The following FSIP2 variants were observed in gnomAD, a reference collection of about 807,000 sequenced individuals.
The protein encoded by FSIP2 is fibrous sheath-interacting protein 2.
Under a neutral mutation model 510.5 loss-of-function variants are expected in FSIP2, and 367 were observed. The observed-to-expected ratio is 0.72, with a 90% CI of 0.66 to 0.78. The LOEUF (loss-of-function observed/expected upper bound fraction) is 0.78, where lower values mean the gene tolerates loss of function less well. Ranked by LOEUF, FSIP2 falls within the 30% of genes least tolerant of loss-of-function variation. FSIP2 has a pLI of 0.00. For synonymous variants in FSIP2, 2,601 were observed against 2,732.2 expected (o/e 0.95, Z 1.50); for missense variants, 7,594 against 7,901.7 (o/e 0.96, Z 1.48).
rs1693131944 is a variant in FSIP2 at position 185,791,631 on chromosome 2, G to A, written c.4495G>A (p.Asp1499Asn). The A allele has an allele frequency of 3.3e-6, 5 of 1,534,058 alleles. No individual in the cohort carries two copies. The highest frequency in any genetic ancestry group is 4.4e-6 in the Non-Finnish European group (5 of 1,145,520). Residue 1499 changes from aspartate to asparagine, a missense_variant, in exon 16 of 23, where the codon GAC (aspartate) becomes AAC (asparagine). Asp to Asn is a conservative substitution (Grantham distance 23). Coordinates refer to ENST00000424728, the MANE Select transcript of FSIP2 (RefSeq NM_173651.4). ...TATCCTTGCAAAATTATGTGGTGTT[G>A]ACATGGATACCAGTTTTGCAAGTTG... ...DYILAKLCGV[D>N]MDTSFASCGL...
chr2:185,802,472 T>C lies in FSIP2; in HGVS notation c.13166T>C (p.Leu4389Pro), dbSNP rs956745236. ...RNALKQHGLD[L>P]AVDKESEDSG... ...GCTTTAAAGCAGCATGGGCTAGACC[T>C]TGCTGTTGATAAAGAGTCTGAAGAC... The change falls in exon 17 of 23, where the codon CTT (leucine) becomes CCT (proline). Residue 4389 changes from leucine to proline, a missense_variant. By Grantham distance (98) the Leu-to-Pro change is moderately conservative (BLOSUM62 -3). Coordinates refer to ENST00000424728, the MANE Select transcript of FSIP2 (RefSeq NM_173651.4). 4.8e-5 allele frequency: 74 copies of C among 1,533,474 alleles called. No homozygotes were observed. Among genetic ancestry groups the C allele is most frequent in the Non-Finnish European group, 6.2e-5 (71 of 1,145,120 alleles). The allele number at this position is 1,533,474 out of a possible 1,614,324, so 95.0% of individuals were successfully genotyped here. A position where few individuals can be genotyped will look rare whatever the true frequency, so the allele number is the denominator to read the frequency against.
In FSIP2 at chr2:185,801,149, G is replaced by C. The variant is rs1235534094; in HGVS notation, c.11843G>C (p.Arg3948Thr). 6.5e-7 allele frequency: 1 copy of C among 1,533,784 alleles called. No individual in the cohort carries two copies. The highest frequency in any genetic ancestry group is 8.7e-7 in the Non-Finnish European group (1 of 1,145,476). Reference sequence around the variant, plus strand: ...TCTGTGTCACCTTTTGAAAGACAGAGAACAAAGGAAATGGATAAGGTAGCC... The same window carrying C: ...TCTGTGTCACCTTTTGAAAGACAGACAACAAAGGAAATGGATAAGGTAGCC... ...SSSVSPFERQ[R>T]TKEMDKVAIH... is the part of the protein sequence containing the mutation. The change falls in exon 17 of 23, where the codon AGA becomes ACA. Residue 3948 changes from arginine (R) to threonine (T), a missense_variant. Coordinates refer to ENST00000424728, the MANE Select transcript of FSIP2 (RefSeq NM_173651.4).
intron 18 of FSIP2, 151 bp downstream of exon 18, chr2:185,814,193 C>CTCA: frequency 1.3e-6 from 1 of 763,912 alleles, no homozygotes; most frequent in Non-Finnish European, 2.0e-6. Context: ...AAATTATTAC[C>CTCA]AGGTACAGCT....
In FSIP2 at chr2:185,804,818, G is replaced by T; in HGVS notation, c.15512G>T (p.Arg5171Leu). ...IIKEISEHEI[R>L]LSMAEDNAES... The stretch of plus-strand genomic sequence containing the variant: ...AAAGAAATTTCTGAACATGAGATTC[G>T]ACTTTCCATGGCAGAGGATAATGCA... Residue 5171 changes from arginine (R) to leucine (L), a missense_variant, in exon 17 of 23, where the codon CGA becomes CTA. Coordinates refer to ENST00000424728, the MANE Select transcript of FSIP2 (RefSeq NM_173651.4). 1 of 1,532,728 alleles carries T rather than the reference G, an allele frequency of 6.5e-7. No homozygotes were observed. Among genetic ancestry groups the T allele is most frequent in the Non-Finnish European group, 8.7e-7 (1 of 1,144,804 alleles). The allele number at this position is 1,532,728 out of a possible 1,614,324, so 94.9% of individuals were successfully genotyped here. A position where few individuals can be genotyped will look rare whatever the true frequency, so the allele number is the denominator to read the frequency against.
In FSIP2 at chr2:185,802,784, C is replaced by T; in HGVS notation, c.13478C>T (p.Thr4493Ile). Residue 4493 changes from threonine (T) to isoleucine (I), a missense_variant, in exon 17 of 23, where the codon ACC becomes ATC. By Grantham distance (89) the Thr-to-Ile change is moderately conservative. Coordinates refer to ENST00000424728, the MANE Select transcript of FSIP2 (RefSeq NM_173651.4). ...SASSLVLNRD[T>I]QKDISRVNFN... is the part of the protein sequence containing the mutation. The stretch of plus-strand genomic sequence containing the variant: ...TCTAGCCTGGTTCTAAACAGAGACA[C>T]CCAAAAAGATATATCAAGAGTGAAT... 1 of 1,519,582 alleles carries T rather than the reference C, an allele frequency of 6.6e-7. No individual in the cohort carries two copies. Among genetic ancestry groups the T allele is most frequent in the South Asian group, 1.2e-5 (1 of 80,742 alleles). 94.1% of individuals were successfully genotyped at this position (1,519,582 alleles called of 1,614,324 possible).
At chr2:185,774,455 AT>A (rs1692675345) in intron 13 of FSIP2, among the ~76,000 whole-genome samples, 1 of 152,138 alleles carries the variant, frequency 6.6e-6, no homozygotes, top group Non-Finnish European at 1.5e-5. Flanking sequence ...AGAGTACATT[AT>A]TGTGATTCCT....
In FSIP2 at chr2:185,807,673, C is replaced by G. The variant is rs201472027; in HGVS notation, c.18367C>G (p.Arg6123Gly). 1.4e-5 allele frequency: 23 copies of G among 1,612,676 alleles called. No individual in the cohort carries two copies. The highest frequency in any genetic ancestry group is 1.8e-5 in the Non-Finnish European group (21 of 1,179,268). Residue 6123 changes from arginine to glycine, a missense_variant, in exon 17 of 23, where the codon CGA becomes GGA. Transcript: ENST00000424728. ...AGAAAACATAGTTGACTTGGTTCTA[C>G]GAGAAGTGGCTAGCAATCAGCTGCA... is the stretch of plus-strand genomic sequence containing the variant. ...LSENIVDLVL[R>G]EVASNQLQSY... is the part of the protein sequence containing the mutation.
Position 185,804,296 on chromosome 2 carries a change from C to T in FSIP2, c.14990C>T (p.Thr4997Ile), listed in dbSNP as rs1467768600. Residue 4997 changes from threonine to isoleucine, a missense_variant, in exon 17 of 23, where the codon ACC becomes ATC. Transcript: ENST00000424728. ...GTAAATTCAATTGTTCTGGAGTTCA[C>T]CACATCAGAGATTTTAGTTGCAGAT... ...TLVNSIVLEFTTSEILVADNF... is the reference protein window; with the variant it reads ...TLVNSIVLEFITSEILVADNF... 5 of 1,522,844 alleles carry T rather than the reference C, an allele frequency of 3.3e-6. No individual in the cohort carries two copies. The highest frequency in any genetic ancestry group is 4.4e-6 in the Non-Finnish European group (5 of 1,141,312). 94.3% of individuals were successfully genotyped at this position (1,522,844 alleles called of 1,614,324 possible).
chr2:185,789,533 A>G lies in FSIP2; in HGVS notation c.2397A>G (p.Ser799=). ...CAGCCAGTGATGAACTTCTCACATC[A>G]TCTAATGGAAAACCTTTGAAAAATT... ...SLAASDELLT[S]SNGKPLKNSM... The change falls in exon 16 of 23, where the codon TCA becomes TCG. Residue 799 remains serine, a synonymous_variant. Transcript: ENST00000424728. The G allele has an allele frequency of 9.8e-6, 15 of 1,534,626 alleles. No homozygotes were observed. Among genetic ancestry groups the G allele is most frequent in the East Asian group, 2.4e-5 (1 of 40,870 alleles).
At position 185,800,293 on chromosome 2, in the gene FSIP2, C is replaced by T; in HGVS notation, c.10987C>T (p.Gln3663Ter). Residue 3663 changes from glutamine to a stop codon, truncating the protein, a stop_gained, in exon 17 of 23, where the codon CAA becomes TAA. Transcript: ENST00000424728. LOFTEE classifies it high-confidence loss of function. ...CAGAGACTGGCAATTTTCTACTCAACAAATTGGTCAACTTTTTCAAAAAAA... is the reference window on the plus strand; with the variant it reads ...CAGAGACTGGCAATTTTCTACTCAATAAATTGGTCAACTTTTTCAAAAAAA... ...SPRDWQFSTQ[Q>*]IGQLFQKNKL... 6.5e-7 allele frequency: 1 copy of T among 1,533,908 alleles called. No homozygotes were observed. Among genetic ancestry groups the T allele is most frequent in the African/African-American group, 1.4e-5 (1 of 72,952 alleles).
At chr2:185,820,901 G>C (rs1273898757) in intron 19 of FSIP2, among the ~76,000 whole-genome samples, 1 of 143,268 alleles carries the variant, frequency 7.0e-6, no homozygotes, top group Non-Finnish European at 1.5e-5. Flanking sequence ...ACTAGAGAAA[G>C]AACAAACTGA....
chr2:185,791,426 G>C lies in FSIP2; in HGVS notation c.4290G>C (p.Leu1430Phe), dbSNP rs1364369282. The C allele has an allele frequency of 6.5e-7, 1 of 1,534,162 alleles. No individual in the cohort carries two copies. The change falls in exon 16 of 23, where the codon TTG becomes TTC. Residue 1430 changes from leucine to phenylalanine, a missense_variant. Leu to Phe is a conservative substitution (Grantham distance 22). Coordinates refer to ENST00000424728, the MANE Select transcript of FSIP2 (RefSeq NM_173651.4). ...ACCATATTAAAGAGAATGCAAAATT[G>C]CAAGTGTTAGAAAGAATTGGGGAAA... ...GGNHIKENAK[L>F]QVLERIGETL...
Position 185,788,956 on chromosome 2 carries a change from A to T in FSIP2, c.1820A>T (p.Glu607Val). 2.0e-6 allele frequency: 3 copies of T among 1,534,866 alleles called. No individual in the cohort carries two copies. The highest frequency in any genetic ancestry group is 2.4e-5 in the South Asian group (2 of 84,040). ...TPIKPPPAHV[E>V]KTVVGKTCHI... Reference sequence around the variant, plus strand: ...ATAAAACCTCCTCCTGCACATGTGGAAAAAACAGTTGTGGGGAAAACATGT... The same window carrying T: ...ATAAAACCTCCTCCTGCACATGTGGTAAAAACAGTTGTGGGGAAAACATGT... Residue 607 changes from glutamate to valine, a missense_variant, in exon 16 of 23, where the codon GAA (glutamate) becomes GTA (valine). Physicochemically the swap from Glu to Val is moderately radical, Grantham distance 121 (BLOSUM62 -2). Transcript: ENST00000424728.
In FSIP2 at chr2:185,805,374, T is replaced by C. The variant is rs1387974756; in HGVS notation, c.16068T>C (p.Tyr5356=). The C allele has an allele frequency of 3.1e-6, 5 of 1,597,584 alleles. No homozygotes were observed. The highest frequency in any genetic ancestry group is 2.7e-5 in the African/African-American group (2 of 73,794). The change falls in exon 17 of 23, where the codon TAT becomes TAC. Residue 5356 remains tyrosine (Y), a synonymous_variant. Coordinates refer to ENST00000424728, the MANE Select transcript of FSIP2 (RefSeq NM_173651.4). ...TTGATAAAATATCCAATTTTGTATA[T>C]GAACAGTTCATAGAAAAATGCACAT... is the stretch of plus-strand genomic sequence containing the variant. ...ETVDKISNFV[Y]EQFIEKCTSH...
chr2:185,745,675 T>C (rs1692015359), intron 5 of FSIP2, 107 bp downstream of exon 5: 1 of 944,644 alleles, frequency 1.1e-6, no homozygotes, highest in Non-Finnish European at 1.5e-6. Flanking sequence ...ACCATTCTCC[T>C]GGATCCCTCA....
Position 185,805,287 on chromosome 2 carries a change from T to C in FSIP2, c.15981T>C (p.Asp5327=), listed in dbSNP as rs1559034511. 2 of 1,595,010 alleles carry C rather than the reference T, an allele frequency of 1.3e-6. No homozygotes were observed. The highest frequency in any genetic ancestry group is 1.1e-5 in the South Asian group (1 of 87,122). Residue 5327 remains aspartate, a synonymous_variant, in exon 17 of 23, where the codon GAT becomes GAC. Transcript: ENST00000424728. The part of the protein sequence containing the change: ...NSLIREFKKS[D]IKVLPNAEKM... The stretch of plus-strand genomic sequence containing the variant: ...TGATAAGGGAATTTAAGAAAAGTGA[T>C]ATTAAAGTTTTACCAAATGCTGAAA...
intron 13 of FSIP2, among the ~76,000 whole-genome samples, chr2:185,775,373 A>C (rs1692696275): frequency 6.6e-6 from 1 of 151,186 alleles, no homozygotes; most frequent in Non-Finnish European, 1.5e-5. Context: ...GGCTGCATAA[A>C]TGTCTTCTTT....
intron 7 of FSIP2, among the ~76,000 whole-genome samples, chr2:185,752,624 C>T (rs1347459636): frequency 6.6e-6 from 1 of 151,378 alleles, no homozygotes; most frequent in Non-Finnish European, 1.5e-5. Flanking sequence ...GCCATTAATA[C>T]ATCCATGGTA....
rs770484103 is a variant in FSIP2 at position 185,796,919 on chromosome 2, T to A, written c.9783T>A (p.Asn3261Lys). The A allele has an allele frequency of 3.3e-6, 5 of 1,534,840 alleles. No homozygotes were observed. Among genetic ancestry groups the A allele is most frequent in the Non-Finnish European group, 4.4e-6 (5 of 1,146,194 alleles). The change falls in exon 16 of 23, where the codon AAT (asparagine) becomes AAA (lysine). Residue 3261 changes from asparagine (N) to lysine (K), a missense_variant. Transcript: ENST00000424728. ...FGSFDQTMKG[N>K]SYLPEGSFLQ... ...GTTTTGATCAGACCATGAAAGGAAA[T>A]AGCTACCTCCCTGAAGGCAGTTTCT...
Sources: gnomAD v4.1 joint callset for allele counts (sites outside exome capture counted in the v4.1 genomes callset) on GRCh38, gnomAD v4.1.1 for gene constraint, MANE v1.5 for transcripts, NCBI Gene and HGNC (gene_info 2026-07-23, HGNC 2026-07-21) for gene names.